The following MAPK14 variants were observed in gnomAD, a reference collection of about 807,000 sequenced individuals.
MAPK14 encodes mitogen-activated protein kinase 14, also known as CSAID-binding protein.
MAPK14 carries 16 observed loss-of-function variants against 49.6 expected under a neutral mutation model. The ratio of observed to expected loss-of-function variants is 0.32; its 90% confidence interval spans 0.22 to 0.49. The LOEUF (loss-of-function observed/expected upper bound fraction) is 0.49. MAPK14 is among the 20% of genes least tolerant of loss of function. MAPK14 has a pLI of 0.99. For missense variants in MAPK14, 200 were observed against 441.2 expected (o/e 0.45, Z 4.90); for synonymous variants, 142 against 158.0 (o/e 0.90, Z 0.76).
intron 3 of MAPK14, among the ~76,000 whole-genome samples, chr6:36,069,649 G>A (rs755419799): frequency 6.6e-6 from 1 of 152,132 alleles, no homozygotes; most frequent in Non-Finnish European, 1.5e-5. Flanking sequence ...GTCTCTGAGG[G>A]GGAAAGGATT....
downstream of MAPK14, chr6:36,111,317 T>C (rs1765967848): frequency 6.6e-6 from 1 of 152,274 alleles, no homozygotes; most frequent in Non-Finnish European, 1.5e-5. Context: ...GCAGAGACTA[T>C]AGGACCTCCA....
intron 8 of MAPK14, among the ~76,000 whole-genome samples, chr6:36,089,832 G>A (rs777367430): frequency 1.6e-4 from 25 of 152,266 alleles, no homozygotes; most frequent in Admixed American, 3.9e-4. Context: ...AAATGAATAA[G>A]CCACTTTGAA....
chr6:36,116,961 A>G, the MAPK14 span, among the ~76,000 whole-genome samples: 1 of 152,218 alleles, frequency 6.6e-6, no homozygotes, highest in African/African-American at 2.4e-5. Flanking sequence ...CTGGTTCCAA[A>G]GAGTTTTATA....
intron 1 of MAPK14, among the ~76,000 whole-genome samples, chr6:36,037,689 A>G (rs1376854535): frequency 6.6e-6 from 1 of 152,114 alleles, no homozygotes; most frequent in African/African-American, 2.4e-5. Context: ...TGCCTTAAGA[A>G]GCTATATTCT....
At chr6:36,055,724 A>C (rs1581760078) in intron 2 of MAPK14, among the ~76,000 whole-genome samples, 1 of 151,740 alleles carries the variant, frequency 6.6e-6, no homozygotes, top group Non-Finnish European at 1.5e-5. Context: ...TTGAACCCAG[A>C]AGTTTGAGAC....
Position 36,108,567 on chromosome 6 carries a change from G to T in MAPK14, c.*120G>T. On this transcript the variant is annotated 3_prime_UTR_variant, in exon 12 of 12. Transcript: ENST00000229794. ...AGAGATTTCCTCCATGGTGGAAGGG[G>T]GTGTGCGTGCGTGTGCGTGCGTGTT... 1.3e-6 allele frequency: 1 copy of T among 786,152 alleles called. No individual in the cohort carries two copies. The highest frequency in any genetic ancestry group is 2.2e-6 in the Non-Finnish European group (1 of 448,952). 48.7% of individuals were successfully genotyped at this position (786,152 alleles called of 1,614,324 possible). A position where few individuals can be genotyped will look rare whatever the true frequency, so the allele number is the denominator to read the frequency against.
downstream of MAPK14, among the ~76,000 whole-genome samples, chr6:36,111,872 G>A (rs535136006): frequency 7.9e-5 from 12 of 152,282 alleles, no homozygotes; most frequent in Non-Finnish European, 1.8e-4. Flanking sequence ...TGAGAGAAAA[G>A]GGCCCCGGTT....
intron 2 of MAPK14, among the ~76,000 whole-genome samples, chr6:36,057,563 G>A (rs1480603507): frequency 6.6e-6 from 1 of 152,068 alleles, no homozygotes; most frequent in Non-Finnish European, 1.5e-5. Flanking sequence ...TTTAAAAAGT[G>A]ACATTTGGAG....
chr6:36,034,567 G>C (rs182441497), intron 1 of MAPK14, among the ~76,000 whole-genome samples: 1 of 152,296 alleles, frequency 6.6e-6, no homozygotes, highest in Non-Finnish European at 1.5e-5. Context: ...CCCTGACTTG[G>C]AACTTAGGGA....
intron 9 of MAPK14, 22 bp downstream of exon 9, chr6:36,096,088 A>G (rs1315423263): frequency 6.4e-7 from 1 of 1,573,182 alleles, no homozygotes; most frequent in Admixed American, 1.7e-5. Flanking sequence ...CTTTGTAATT[A>G]TCTGCCCTGT....
rs1762382813 is a variant in MAPK14, at chr6:36,028,166, G to A, written c.9G>A (p.Gln3=). The change falls in exon 1 of 12, where the codon CAG becomes CAA. Residue 3 remains glutamine (Q), a synonymous_variant. Coordinates refer to ENST00000229794, the MANE Select transcript of MAPK14 (RefSeq NM_139012.3). The surrounding 1 kb of genome is among the most constrained non-coding windows in gnomAD (Gnocchi z 5.1). MS[Q]ERPTFYRQEL... ...GCGGCTGCCGCTGGAAAATGTCTCA[G>A]GAGAGGCCCACGTTCTACCGGCAGG... The A allele has an allele frequency of 3.1e-6, 5 of 1,612,740 alleles. No homozygotes were observed. In the Admixed American group the frequency reaches 5.0e-5, roughly 16 times the overall value.
rs546057727 is a variant in MAPK14, at chr6:36,063,457, G to C, written c.305+4110G>C. 5.9e-5 allele frequency among the ~76,000 whole-genome samples: 9 copies of C among 152,216 alleles called. No homozygotes were observed. The South Asian group carries it at 1.2e-3, about 21-fold the overall frequency. ...TTTAAAAAATTAGCCGAGCATAGTGGTGCATGCCTGTAGTCCCAGCTACTG... is the reference window on the plus strand; with the variant it reads ...TTTAAAAAATTAGCCGAGCATAGTGCTGCATGCCTGTAGTCCCAGCTACTG... On this transcript the variant is annotated intron_variant, in intron 3 of 11. Coordinates refer to ENST00000229794, the MANE Select transcript of MAPK14 (RefSeq NM_139012.3).
chr6:36,084,957 C>T (rs191833040), intron 8 of MAPK14, among the ~76,000 whole-genome samples: 1 of 152,158 alleles, frequency 6.6e-6, no homozygotes, highest in African/African-American at 2.4e-5. Flanking sequence ...AAGGGAAGCC[C>T]ATCAGGCTAA....
At chr6:36,115,746 A>C (rs1045560129), downstream of MAPK14, among the ~76,000 whole-genome samples, 1 of 152,088 alleles carries the variant, frequency 6.6e-6, no homozygotes, top group African/African-American at 2.4e-5. Flanking sequence ...CCCCATCTCT[A>C]CTAAAAATAC....
intron 8 of MAPK14, chr6:36,092,327 C>T (rs1232651345): frequency 1.3e-5 from 8 of 618,618 alleles, no homozygotes; most frequent in Non-Finnish European, 2.5e-5. Context: ...CAAAGAGCAG[C>T]TGCTCCTGGG....
downstream of MAPK14, among the ~76,000 whole-genome samples, chr6:36,115,915 G>A (rs1246546092): frequency 1.4e-5 from 2 of 140,740 alleles, no homozygotes; most frequent in Non-Finnish European, 1.5e-5. Context: ...GCAACAGAGG[G>A]AGACTCCGTC....
chr6:36,073,007 T>A (rs1764369180), intron 4 of MAPK14, 23 bp downstream of exon 4: 1 of 1,432,656 alleles, frequency 7.0e-7, no homozygotes, highest in Non-Finnish European at 9.8e-7. Context: ...CAAGTAATAA[T>A]TTTTTAAAAT....
rs537249566 is a variant in MAPK14 at position 36,059,858 on chromosome 6, A to G, written c.305+511A>G. Among the ~76,000 whole-genome samples the G allele has an allele frequency of 2.5e-4, 38 of 152,222 alleles. No homozygotes were observed. In the South Asian group the frequency reaches 7.7e-3, roughly 31 times the overall value. On this transcript the variant is annotated intron_variant, in intron 3 of 11. Coordinates refer to ENST00000229794, the MANE Select transcript of MAPK14 (RefSeq NM_139012.3). ...AGGTGCTCTTCAAGAAATGTAACGG[A>G]TCCCCAGCCATATAGACTCCCTCCT...
At chr6:36,032,810 T>C (rs1373580777) in intron 1 of MAPK14, among the ~76,000 whole-genome samples, 1 of 152,240 alleles carries the variant, frequency 6.6e-6, no homozygotes, top group Non-Finnish European at 1.5e-5. Flanking sequence ...CTGTGCACTT[T>C]ATCATCAGCA....
Sources: allele counts gnomAD v4.1 joint callset (sites outside exome capture counted in the v4.1 genomes callset), GRCh38; gene constraint gnomAD v4.1.1; non-coding constraint Gnocchi (gnomAD v3.1); transcripts MANE v1.5; gene names NCBI Gene and HGNC (gene_info 2026-07-23, HGNC 2026-07-21).